The following RAP1GAP2 variants were observed in gnomAD, a reference collection of about 807,000 sequenced individuals.
RAP1GAP2 encodes RAP1 GTPase activating protein 2, also known as rap1 GTPase-activating protein 2.
RAP1GAP2 carries 27 observed loss-of-function variants against 95.0 expected under a neutral mutation model. The observed-to-expected ratio is 0.28, with a 90% CI of 0.21 to 0.39. The LOEUF is 0.39. Ranked by LOEUF, RAP1GAP2 falls within the 10% of genes least tolerant of loss-of-function variation. The pLI, the probability that RAP1GAP2 is intolerant of heterozygous loss-of-function variation, is 1.00. For synonymous variants in RAP1GAP2, 373 were observed against 380.9 expected (o/e 0.98, Z 0.24); for missense variants, 771 against 970.0 (o/e 0.79, Z 2.72).
chr17:2,826,147 ATTTTTTTTTT>A lies in RAP1GAP2; in HGVS notation c.80+25609_80+25618del, dbSNP rs71150901. On this transcript the variant is annotated intron_variant, in intron 2 of 24. Transcript: ENST00000254695. ...AGGCACCCACCACCACGCCCAGCAA[ATTTTTTTTTT>A]TTTTTTTTTTTGTATTTTTAGTAGA... 7.3e-5 allele frequency among the ~76,000 whole-genome samples: 8 copies of A among 108,862 alleles called. No individual in the cohort carries two copies. In the East Asian group the frequency reaches 1.0e-3, roughly 14 times the overall value. 71.4% of individuals were successfully genotyped at this position (108,862 alleles called of 152,430 possible).
At chr17:2,822,614 CCT>C (rs1312516524) in intron 2 of RAP1GAP2, among the ~76,000 whole-genome samples, 6 of 147,496 alleles carry the variant, frequency 4.1e-5, no homozygotes, top group African/African-American at 1.3e-4. Context: ...ACAATAAAAC[CCT>C]GTTTTTTTTT....
At chr17:2,773,756 T>C (rs2068441528), upstream of RAP1GAP2, among the ~76,000 whole-genome samples, 1 of 143,458 alleles carries the variant, frequency 7.0e-6, no homozygotes, top group Non-Finnish European at 1.6e-5. Flanking sequence ...TATTTATTTA[T>C]TTATTTATTT....
At chr17:2,872,880 T>G (rs1567728806) in intron 2 of RAP1GAP2, among the ~76,000 whole-genome samples, 1 of 151,804 alleles carries the variant, frequency 6.6e-6, no homozygotes, top group African/African-American at 2.4e-5. Flanking sequence ...CCAGGCCTGG[T>G]CTCAAACTCT....
At chr17:2,931,393 T>C (rs182654728) in intron 3 of RAP1GAP2, among the ~76,000 whole-genome samples, 89 of 152,080 alleles carry the variant, frequency 5.9e-4, no homozygotes, top group Admixed American at 1.4e-3. Flanking sequence ...GGGTGGATAT[T>C]GTGGGACGCC....
chr17:3,018,229 T>A, intron 18 of RAP1GAP2, 31 bp downstream of exon 18: 1 of 1,537,422 alleles, frequency 6.5e-7, no homozygotes, highest in Non-Finnish European at 8.7e-7. Flanking sequence ...GGGCGGCAAG[T>A]GGGTCCCAGG....
intron 2 of RAP1GAP2, among the ~76,000 whole-genome samples, chr17:2,814,468 G>C (rs549783367): frequency 2.0e-5 from 3 of 152,024 alleles, no homozygotes; most frequent in Non-Finnish European, 4.4e-5. Flanking sequence ...CTTCCTCCAC[G>C]CACAGCCCCT....
At chr17:2,861,072 C>G (rs1164344149) in intron 2 of RAP1GAP2, among the ~76,000 whole-genome samples, 2 of 152,056 alleles carry the variant, frequency 1.3e-5, no homozygotes, top group African/African-American at 4.8e-5. Flanking sequence ...CAGGCTCGCC[C>G]CTGCCACAGG....
intron 3 of RAP1GAP2, among the ~76,000 whole-genome samples, chr17:2,932,283 C>A (rs151078685): frequency 6.6e-6 from 1 of 152,010 alleles, no homozygotes; most frequent in South Asian, 2.1e-4. Context: ...CGTGTGGGAG[C>A]GGCCAAGTTC....
intron 17 of RAP1GAP2, among the ~76,000 whole-genome samples, chr17:3,017,404 C>A (rs774706383): frequency 6.6e-6 from 1 of 151,988 alleles, no homozygotes; most frequent in Non-Finnish European, 1.5e-5. Context: ...GTAACAAAGG[C>A]GGATCTGAAG....
At position 2,963,381 on chromosome 17, in the gene RAP1GAP2, T is replaced by C. The variant is rs376426012; in HGVS notation, c.247-49T>C. On this transcript the variant is annotated intron_variant, in intron 5 of 24. Transcript: ENST00000254695. This position sits in a 1 kb window ranked among gnomAD's most constrained non-coding sequence, Gnocchi z 4.8. Reference sequence around the variant, plus strand: ...AGACCTGGAAACAGTGGTCAGACTTTACGGGCACTGCCGGGACTAACGGTG... The same window carrying C: ...AGACCTGGAAACAGTGGTCAGACTTCACGGGCACTGCCGGGACTAACGGTG... 1.2e-4 allele frequency: 191 copies of C among 1,612,288 alleles called. 4 individuals carry two copies. The South Asian group carries it at 2.0e-3, about 17-fold the overall frequency.
chr17:2,977,341 A>G (rs2045166156), intron 8 of RAP1GAP2, among the ~76,000 whole-genome samples: 1 of 152,222 alleles, frequency 6.6e-6, no homozygotes, highest in South Asian at 2.1e-4. Flanking sequence ...AAAGAATTTG[A>G]ATTAGTACGC....
rs1363363543 is a variant in RAP1GAP2, at chr17:2,849,998, G to GTTTTTTTTTT, written c.80+49448_80+49449insTTTTTTTTTT. Among the ~76,000 whole-genome samples, 3 of 136,130 alleles carry GTTTTTTTTTT rather than the reference G, an allele frequency of 2.2e-5. 1 individual carries two copies. The highest frequency in any genetic ancestry group is 1.6e-5 in the Non-Finnish European group (1 of 63,960). 89.3% of individuals were successfully genotyped at this position (136,130 alleles called of 152,430 possible). On this transcript the variant is annotated intron_variant, in intron 2 of 24. Coordinates refer to ENST00000254695, the MANE Select transcript of RAP1GAP2 (RefSeq NM_015085.5). ...GTGTCACTAACACCTAACACTGCCT[G>GTTTTTTTTTT]CTTTTTTTTTTTTTTTTTTTGAGAT... is the stretch of plus-strand genomic sequence containing the variant.
intron 3 of RAP1GAP2, among the ~76,000 whole-genome samples, chr17:2,933,088 A>T (rs1039838242): frequency 2.6e-5 from 4 of 152,220 alleles, no homozygotes; most frequent in African/African-American, 2.4e-5. Flanking sequence ...TCCCTCCTCC[A>T]TGAGCCAGCC....
At chr17:2,920,903 C>G (rs370286147) in intron 3 of RAP1GAP2, among the ~76,000 whole-genome samples, 4 of 152,266 alleles carry the variant, frequency 2.6e-5, no homozygotes, top group Admixed American at 1.3e-4. Context: ...CCATGAGTGT[C>G]ATTTACCCGA....
intron 2 of RAP1GAP2, among the ~76,000 whole-genome samples, chr17:2,823,126 G>C (rs544318060): frequency 1.3e-5 from 2 of 151,562 alleles, no homozygotes; most frequent in Non-Finnish European, 3.0e-5. Context: ...TGGGGATGGC[G>C]GGTGGCATGG....
At chr17:3,031,862 T>C (rs1250431837) in intron 23 of RAP1GAP2, among the ~76,000 whole-genome samples, 4 of 128,446 alleles carry the variant, frequency 3.1e-5, no homozygotes, top group African/African-American at 9.3e-5. Flanking sequence ...GAGCTCCAGG[T>C]CCAGATGTGA....
upstream of RAP1GAP2, chr17:2,796,419 C>G: frequency 1.6e-6 from 2 of 1,275,044 alleles, no homozygotes; most frequent in Non-Finnish European, 2.2e-6. This position sits in a 1 kb window ranked among gnomAD's most constrained non-coding sequence, Gnocchi z 4.7. Flanking sequence ...CCACGCTGGG[C>G]TCCCCGCCCT....
intron 2 of RAP1GAP2, among the ~76,000 whole-genome samples, chr17:2,852,588 T>C (rs2071906601): frequency 6.6e-6 from 1 of 152,018 alleles, no homozygotes; most frequent in Non-Finnish European, 1.5e-5. Context: ...ACCAGACTAT[T>C]AAAAACAAAA....
intron 3 of RAP1GAP2, among the ~76,000 whole-genome samples, chr17:2,946,554 C>G (rs1157369331): frequency 6.6e-6 from 1 of 152,136 alleles, no homozygotes; most frequent in Admixed American, 6.5e-5. Flanking sequence ...TTTAAGATGT[C>G]CTATAAAAAC....
Sources: allele counts gnomAD v4.1 joint callset (sites outside exome capture counted in the v4.1 genomes callset), GRCh38; gene constraint gnomAD v4.1.1; non-coding constraint Gnocchi (gnomAD v3.1); transcripts MANE v1.5; gene names NCBI Gene and HGNC (gene_info 2026-07-23, HGNC 2026-07-21).